Variants in CDH8 observed in about 807,000 individuals in gnomAD.
CDH8 encodes the protein cadherin-8.
A neutral mutation model predicts 68.1 loss-of-function variants in CDH8; 17 were observed. The observed-to-expected ratio is 0.25, with a 90% CI of 0.17 to 0.37. The LOEUF (loss-of-function observed/expected upper bound fraction) is 0.37. CDH8 is among the 10% of genes least tolerant of loss of function. CDH8 has a pLI of 1.00. For missense variants in CDH8, 763 were observed against 999.3 expected (o/e 0.76, Z 3.19); for synonymous variants, 372 against 365.1 (o/e 1.02, Z -0.21).
chr16:61,655,344 G>A, intron 11 of CDH8, 126 bp downstream of exon 11: 1 of 889,992 alleles, frequency 1.1e-6, no homozygotes, highest in South Asian at 1.8e-5. Context: ...ATGTGGAGAA[G>A]GAAAGGAAGT....
chr16:61,771,206 C>A (rs993103310), intron 8 of CDH8, among the ~76,000 whole-genome samples: 1 of 151,844 alleles, frequency 6.6e-6, no homozygotes, highest in African/African-American at 2.4e-5. Flanking sequence ...CCTGACACAT[C>A]AATTCCTGTC....
At chr16:61,669,052 G>C (rs1963738614) in intron 10 of CDH8, among the ~76,000 whole-genome samples, 1 of 152,026 alleles carries the variant, frequency 6.6e-6, no homozygotes, top group Admixed American at 6.6e-5. Flanking sequence ...ACCAAAGGTA[G>C]TGTGTTTTCT....
chr16:61,970,006 C>T (rs184391068), intron 2 of CDH8, among the ~76,000 whole-genome samples: 16 of 152,326 alleles, frequency 1.1e-4, no homozygotes, highest in Admixed American at 8.5e-4. Flanking sequence ...GGACTTCACA[C>T]ATAGTATCTC....
At chr16:61,893,004 C>A (rs548962727) in intron 3 of CDH8, among the ~76,000 whole-genome samples, 45 of 152,240 alleles carry the variant, frequency 3.0e-4, no homozygotes, top group Admixed American at 6.5e-5. Flanking sequence ...GCTGCCATGA[C>A]AAATTACCAA....
rs539744397 is a variant in CDH8, at chr16:62,016,866, A to G, written c.252+4286T>C. Among the ~76,000 whole-genome samples, 10 of 152,342 alleles carry G rather than the reference A, an allele frequency of 6.6e-5. No individual in the cohort carries two copies. In the East Asian group the frequency reaches 1.9e-3, roughly 29 times the overall value. On this transcript the variant is annotated intron_variant, in intron 2 of 11. Transcript: ENST00000577390. The stretch of plus-strand genomic sequence containing the variant: ...GCTTTATGACAGTGGTAAGAAAGAC[A>G]GTCTCCACAGAGGTAATTCTGCAGC...
intron 8 of CDH8, among the ~76,000 whole-genome samples, chr16:61,753,003 A>G (rs1420692025): frequency 6.6e-6 from 1 of 152,184 alleles, no homozygotes; most frequent in African/African-American, 2.4e-5. Context: ...ATACGACAAG[A>G]TATTTAAGGC....
intron 2 of CDH8, among the ~76,000 whole-genome samples, chr16:61,948,815 T>C (rs566183973): frequency 9.8e-5 from 15 of 152,344 alleles, no homozygotes; most frequent in Admixed American, 3.9e-4. Context: ...AAATAGAAAG[T>C]AATCTGTAAA....
Position 61,857,150 on chromosome 16 carries a change from C to T in CDH8, c.636G>A (p.Gly212=). Residue 212 remains glycine (G), a synonymous_variant, in exon 4 of 12, where the codon GGG becomes GGA. Coordinates refer to ENST00000577390, the MANE Select transcript of CDH8 (RefSeq NM_001796.5). The stretch of plus-strand genomic sequence containing the variant: ...CAGGCTCAATGGAAAAATAAGGCTG[C>T]CCTTCCAATATACTATAAACCAACT... ...SAKLVYSILE[G]QPYFSIEPET... is the part of the protein sequence containing the mutation. The T allele has an allele frequency of 6.2e-7, 1 of 1,613,520 alleles. No homozygotes were observed. Among genetic ancestry groups the T allele is most frequent in the Non-Finnish European group, 8.5e-7 (1 of 1,179,602 alleles).
intron 1 of CDH8, among the ~76,000 whole-genome samples, chr16:62,026,131 T>C (rs1902193381): frequency 6.6e-6 from 1 of 152,174 alleles, no homozygotes; most frequent in Admixed American, 6.5e-5. Flanking sequence ...CTGGTATAAA[T>C]ACTTCCACCA....
chr16:61,717,224 T>C (rs370715182), intron 9 of CDH8, among the ~76,000 whole-genome samples: 222 of 151,762 alleles, frequency 1.5e-3, no homozygotes, highest in Middle Eastern at 3.4e-3. Context: ...GTTGAAATAT[T>C]TTCAATTTTA....
At chr16:61,856,966 AG>A (rs948435357) in intron 4 of CDH8, among the ~76,000 whole-genome samples, 152 bp downstream of exon 4, 1 of 152,190 alleles carries the variant, frequency 6.6e-6, no homozygotes, top group African/African-American at 2.4e-5. Flanking sequence ...AAATGGTTGT[AG>A]GGCTCACTGT....
At chr16:61,918,728 G>C (rs1326886251) in intron 2 of CDH8, 2 of 155,220 alleles carry the variant, frequency 1.3e-5, no homozygotes, top group Admixed American at 6.6e-5. Context: ...AGGCGGCAGC[G>C]AGGCTGGGGG....
chr16:61,769,394 A>G (rs1960720725), intron 8 of CDH8, among the ~76,000 whole-genome samples: 1 of 151,894 alleles, frequency 6.6e-6, no homozygotes, highest in Non-Finnish European at 1.5e-5. Context: ...AATGTGATGA[A>G]ATTGAGGTTT....
chr16:62,028,877 T>A (rs148973714), intron 1 of CDH8, among the ~76,000 whole-genome samples: 2 of 152,184 alleles, frequency 1.3e-5, no homozygotes, highest in Non-Finnish European at 2.9e-5. Flanking sequence ...TTAGATCACA[T>A]GTTCAGAATT....
At chr16:61,991,869 T>G (rs1965727085) in intron 2 of CDH8, among the ~76,000 whole-genome samples, 1 of 152,180 alleles carries the variant, frequency 6.6e-6, no homozygotes, top group Non-Finnish European at 1.5e-5. Flanking sequence ...TGGCAACTGG[T>G]CTAATCTGAT....
intron 2 of CDH8, among the ~76,000 whole-genome samples, chr16:62,019,414 T>C (rs998367121): frequency 6.6e-6 from 1 of 152,190 alleles, no homozygotes; most frequent in African/African-American, 2.4e-5. Context: ...AACCTCACTT[T>C]TGTACCTACA....
intron 2 of CDH8, among the ~76,000 whole-genome samples, chr16:62,009,430 T>C (rs890790857): frequency 6.6e-6 from 1 of 152,200 alleles, no homozygotes; most frequent in African/African-American, 2.4e-5. Flanking sequence ...CTCTGTAATA[T>C]TGTCCACCAG....
intron 2 of CDH8, among the ~76,000 whole-genome samples, chr16:61,986,693 G>A (rs1597109658): frequency 1.3e-5 from 2 of 152,184 alleles, no homozygotes; most frequent in South Asian, 2.1e-4. Flanking sequence ...GTCCAAGACT[G>A]TATGAAGGTA....
At chr16:62,030,854 G>A (rs1902308351) in intron 1 of CDH8, among the ~76,000 whole-genome samples, 1 of 152,036 alleles carries the variant, frequency 6.6e-6, no homozygotes, top group Non-Finnish European at 1.5e-5. Context: ...GTCTATATGT[G>A]AGGGCCAGGT....
Sources: gnomAD v4.1 joint callset for allele counts (sites outside exome capture counted in the v4.1 genomes callset) on GRCh38, gnomAD v4.1.1 for gene constraint, MANE v1.5 for transcripts, NCBI Gene and HGNC (gene_info 2026-07-23, HGNC 2026-07-21) for gene names.